Variants in TMEM117 observed in about 807,000 individuals in gnomAD.
TMEM117 encodes the protein transmembrane protein 117.
In TMEM117, 27 loss-of-function variants were observed where a neutral mutation model predicts 52.4. The observed-to-expected ratio is 0.51, with a 90% CI of 0.38 to 0.71. The LOEUF is 0.71. Ranked by LOEUF, TMEM117 falls within the 30% of genes least tolerant of loss-of-function variation. The pLI is 0.00. For synonymous variants in TMEM117, 215 were observed against 206.3 expected (o/e 1.04, Z -0.36); for missense variants, 556 against 630.5 (o/e 0.88, Z 1.26).
intron 3 of TMEM117, among the ~76,000 whole-genome samples, chr12:44,042,758 A>C (rs1946819507): frequency 8.1e-6 from 1 of 123,258 alleles, no homozygotes; most frequent in Non-Finnish European, 1.7e-5. Context: ...ATCCTTAATA[A>C]ACTACACACA....
chr12:44,007,431 T>C (rs1946216815), intron 3 of TMEM117, among the ~76,000 whole-genome samples: 1 of 152,118 alleles, frequency 6.6e-6, no homozygotes, highest in Non-Finnish European at 1.5e-5. Context: ...AGAAAGTCTT[T>C]ATTTCTCTTT....
chr12:43,864,707 A>G (rs112793181), intron 2 of TMEM117, among the ~76,000 whole-genome samples: 6 of 152,138 alleles, frequency 3.9e-5, no homozygotes, highest in African/African-American at 1.2e-4. Flanking sequence ...TGTGAAATAG[A>G]CCAATCGACT....
intron 4 of TMEM117, among the ~76,000 whole-genome samples, chr12:44,209,903 T>A (rs1390436152): frequency 6.6e-6 from 1 of 152,046 alleles, no homozygotes; most frequent in Non-Finnish European, 1.5e-5. Context: ...GCTTGAGAAT[T>A]GATGTGCCTT....
At chr12:44,005,537 G>T (rs934504899) in intron 3 of TMEM117, among the ~76,000 whole-genome samples, 6 of 152,188 alleles carry the variant, frequency 3.9e-5, no homozygotes, top group African/African-American at 1.4e-4. Context: ...GCCTTATTTT[G>T]CTCTGACACT....
At chr12:43,923,686 A>G (rs1042770066) in intron 2 of TMEM117, among the ~76,000 whole-genome samples, 6 of 152,214 alleles carry the variant, frequency 3.9e-5, no homozygotes, top group Non-Finnish European at 5.9e-5. Flanking sequence ...GTAAAAATAT[A>G]TAAGATAATT....
intron 3 of TMEM117, among the ~76,000 whole-genome samples, chr12:44,115,827 A>G (rs1009465994): frequency 2.0e-5 from 3 of 152,200 alleles, no homozygotes; most frequent in African/African-American, 7.2e-5. Flanking sequence ...AAATAGAGAA[A>G]TCAGGTCTTT....
At chr12:43,823,180 A>C in the TMEM117 span, among the ~76,000 whole-genome samples, 1 of 152,194 alleles carries the variant, frequency 6.6e-6, no homozygotes, top group Admixed American at 6.5e-5. Flanking sequence ...GTAATAGGAG[A>C]TGTGCCAGGA....
chr12:44,048,436 T>G (rs1031393028), intron 3 of TMEM117, among the ~76,000 whole-genome samples: 2 of 152,194 alleles, frequency 1.3e-5, no homozygotes, highest in South Asian at 4.1e-4. Context: ...TGAGATGGAT[T>G]TAGCTCATTA....
chr12:43,985,443 A>G (rs2137733394), intron 3 of TMEM117, among the ~76,000 whole-genome samples: 1 of 152,364 alleles, frequency 6.6e-6, no homozygotes, highest in South Asian at 2.1e-4. Flanking sequence ...TGGGTTATTT[A>G]TCATTGTATA....
the TMEM117 span, chr12:43,806,009 C>A: frequency 2.0e-6 from 3 of 1,526,280 alleles, no homozygotes; most frequent in South Asian, 1.2e-5. Flanking sequence ...CAATCTGCAA[C>A]GTGACGGCAG....
intron 6 of TMEM117, among the ~76,000 whole-genome samples, chr12:44,373,267 T>C (rs754965198): frequency 7.9e-5 from 12 of 152,202 alleles, no homozygotes; most frequent in Admixed American, 1.3e-4. Context: ...TGTTCTTCTG[T>C]CTTCATGAAA....
intron 2 of TMEM117, among the ~76,000 whole-genome samples, chr12:43,895,531 C>T (rs1944184983): frequency 6.6e-6 from 1 of 152,180 alleles, no homozygotes; most frequent in Admixed American, 6.5e-5. Context: ...TATACATTTA[C>T]TGGGCAAAGT....
At chr12:44,383,842 A>G (rs545410296) in intron 7 of TMEM117, among the ~76,000 whole-genome samples, 21 of 152,282 alleles carry the variant, frequency 1.4e-4, no homozygotes, top group Admixed American at 1.0e-3. Flanking sequence ...GTTTCTCAGA[A>G]GATACAATTT....
chr12:44,316,682 T>A (rs2138686730), intron 6 of TMEM117, among the ~76,000 whole-genome samples: 1 of 152,308 alleles, frequency 6.6e-6, no homozygotes, highest in African/African-American at 2.4e-5. Context: ...GTTTTCCAGA[T>A]TGTTTACTTT....
intron 4 of TMEM117, among the ~76,000 whole-genome samples, chr12:44,186,468 G>T (rs1039178742): frequency 6.6e-6 from 1 of 152,090 alleles, no homozygotes. Flanking sequence ...ATGCAGAGAG[G>T]GCAGCATACA....
chr12:43,934,951 C>T lies in TMEM117; in HGVS notation c.278-9259C>T, dbSNP rs563358285. Among the ~76,000 whole-genome samples, 5 of 152,122 alleles carry T rather than the reference C, an allele frequency of 3.3e-5. No individual in the cohort carries two copies. In the South Asian group the frequency reaches 1.0e-3, roughly 32 times the overall value. ...GTTTGTTAGATAACTTTGTTGATGT[C>T]CCATTCATGGAATAATTCTCATATT... On this transcript the variant is annotated intron_variant, in intron 2 of 7. Coordinates refer to ENST00000266534, the MANE Select transcript of TMEM117 (RefSeq NM_032256.3).
intron 6 of TMEM117, among the ~76,000 whole-genome samples, chr12:44,311,779 G>A (rs559745060): frequency 6.9e-4 from 12 of 17,386 alleles, no homozygotes; most frequent in African/African-American, 1.2e-3. Flanking sequence ...GTATATATGT[G>A]TATATATGTA....
intron 5 of TMEM117, among the ~76,000 whole-genome samples, chr12:44,245,485 A>C (rs1327471099): frequency 6.6e-6 from 1 of 151,438 alleles, no homozygotes; most frequent in African/African-American, 2.4e-5. Flanking sequence ...TTTTTAAAAT[A>C]TTTTTCAAAT....
At position 43,917,320 on chromosome 12, in the gene TMEM117, G is replaced by A. The variant is rs568787384; in HGVS notation, c.278-26890G>A. Among the ~76,000 whole-genome samples, 7 of 151,740 alleles carry A rather than the reference G, an allele frequency of 4.6e-5. No homozygotes were observed. The East Asian group carries it at 1.4e-3, about 30-fold the overall frequency. ...AGAGGCCAAAGCAGGAGGATCGCTT[G>A]AGCTCAGTAGTTTGAGGCTGCAAGA... is the stretch of plus-strand genomic sequence containing the variant. On this transcript the variant is annotated intron_variant, in intron 2 of 7. Transcript: ENST00000266534.
Sources: gnomAD v4.1 joint callset for allele counts (sites outside exome capture counted in the v4.1 genomes callset) on GRCh38, gnomAD v4.1.1 for gene constraint, MANE v1.5 for transcripts, NCBI Gene and HGNC (gene_info 2026-07-23, HGNC 2026-07-21) for gene names.